Variants in KIAA0825 observed in about 807,000 individuals in gnomAD.
KIAA0825 encodes uncharacterized protein KIAA0825.
KIAA0825 carries 119 observed loss-of-function variants against 147.6 expected under a neutral mutation model. That is an observed-to-expected ratio of 0.81 (90% CI 0.69 to 0.94). The LOEUF (loss-of-function observed/expected upper bound fraction) is 0.94. Ranked by LOEUF, KIAA0825 falls within the 40% of genes least tolerant of loss-of-function variation. The pLI is 0.00. For synonymous variants in KIAA0825, 470 were observed against 518.1 expected (o/e 0.91, Z 1.26); for missense variants, 1,381 against 1,472.7 (o/e 0.94, Z 1.02).
intron 20 of KIAA0825, among the ~76,000 whole-genome samples, chr5:94,352,977 A>T (rs1783858485): frequency 6.6e-6 from 1 of 152,152 alleles, no homozygotes; most frequent in South Asian, 2.1e-4. Context: ...GGTGCAGTGC[A>T]TACTGCTTGG....
At chr5:94,451,191 A>G (rs1411077509) in intron 13 of KIAA0825, among the ~76,000 whole-genome samples, 3 of 152,140 alleles carry the variant, frequency 2.0e-5, no homozygotes, top group Non-Finnish European at 4.4e-5. Context: ...ATCTACCACA[A>G]TTATTTCTCT....
rs1783141024 is a variant in KIAA0825, at chr5:94,585,738, T to C, written c.-152-3155A>G. On this transcript the variant is annotated intron_variant, in intron 1 of 20. Transcript: ENST00000682413. Reference sequence around the variant, plus strand: ...ACACCCCAAATCAACAGAATATACATTCTTCTCAGCACCACGTCGCACTTT... The same window carrying C: ...ACACCCCAAATCAACAGAATATACACTCTTCTCAGCACCACGTCGCACTTT... Among the ~76,000 whole-genome samples the C allele has an allele frequency of 2.0e-5, 3 of 152,164 alleles. No homozygotes were observed. The South Asian group carries it at 6.2e-4, about 31-fold the overall frequency.
intron 1 of KIAA0825, among the ~76,000 whole-genome samples, chr5:94,588,596 T>C (rs1483768447): frequency 2.0e-5 from 3 of 152,188 alleles, no homozygotes; most frequent in South Asian, 2.1e-4. Flanking sequence ...GATGGGAGTG[T>C]AAATTAGTTC....
intron 20 of KIAA0825, among the ~76,000 whole-genome samples, chr5:94,287,847 ACT>A (rs1411590466): frequency 6.6e-6 from 1 of 152,092 alleles, no homozygotes; most frequent in Non-Finnish European, 1.5e-5. Flanking sequence ...CTGGCTGGTA[ACT>A]CAGCCTGTCA....
intron 20 of KIAA0825, among the ~76,000 whole-genome samples, chr5:94,239,592 G>A (rs367942961): frequency 5.3e-5 from 8 of 152,144 alleles, no homozygotes; most frequent in African/African-American, 1.7e-4. Flanking sequence ...ATTTCTACAC[G>A]TTTGCCAATG....
intron 20 of KIAA0825, among the ~76,000 whole-genome samples, chr5:94,297,514 C>T (rs1778189543): frequency 1.3e-5 from 2 of 152,080 alleles, no homozygotes; most frequent in African/African-American, 4.8e-5. Context: ...TTTTTATTGA[C>T]ATTATACACT....
At chr5:94,325,905 G>A (rs1010664994) in intron 20 of KIAA0825, among the ~76,000 whole-genome samples, 12 of 151,796 alleles carry the variant, frequency 7.9e-5, no homozygotes, top group Non-Finnish European at 1.2e-4. Flanking sequence ...TCAACTGAAG[G>A]TATTTTATAA....
chr5:94,395,304 T>G (rs1362428905), intron 17 of KIAA0825, among the ~76,000 whole-genome samples: 1 of 152,224 alleles, frequency 6.6e-6, no homozygotes, highest in African/African-American at 2.4e-5. Context: ...CAGAAAGTTA[T>G]ACTAGTATCT....
At chr5:94,479,277 T>A (rs1230242299) in intron 6 of KIAA0825, among the ~76,000 whole-genome samples, 2 of 152,054 alleles carry the variant, frequency 1.3e-5, no homozygotes, top group African/African-American at 4.8e-5. Context: ...CCCACCCTGG[T>A]ACCCACTAAT....
chr5:94,465,660 A>G (rs1387008177), intron 10 of KIAA0825, among the ~76,000 whole-genome samples: 1 of 152,242 alleles, frequency 6.6e-6, no homozygotes, highest in African/African-American at 2.4e-5. Flanking sequence ...ATACCACAAT[A>G]GTCTGAGTTT....
intron 5 of KIAA0825, 26 bp downstream of exon 5, chr5:94,520,222 A>C: frequency 6.5e-7 from 1 of 1,542,936 alleles, no homozygotes; most frequent in South Asian, 1.3e-5. Flanking sequence ...AAGTTAAACC[A>C]AACAAAAATT....
intron 5 of KIAA0825, among the ~76,000 whole-genome samples, chr5:94,491,729 C>T (rs1387566028): frequency 1.3e-5 from 2 of 152,222 alleles, no homozygotes; most frequent in South Asian, 4.1e-4. Context: ...GGTAAAAGTA[C>T]GACAAGGAAT....
chr5:94,397,193 C>T (rs1257900166), intron 16 of KIAA0825, among the ~76,000 whole-genome samples: 3 of 152,106 alleles, frequency 2.0e-5, no homozygotes, highest in Non-Finnish European at 4.4e-5. Flanking sequence ...CACTTATTAC[C>T]TCTTATATAA....
At chr5:94,196,162 A>G (rs1203217254) in intron 20 of KIAA0825, among the ~76,000 whole-genome samples, 1 of 152,194 alleles carries the variant, frequency 6.6e-6, no homozygotes, top group Non-Finnish European at 1.5e-5. Context: ...TTTCCAAGGC[A>G]TTCCTTAGGG....
intron 20 of KIAA0825, among the ~76,000 whole-genome samples, chr5:94,383,783 T>C (rs1481501587): frequency 1.5e-5 from 2 of 130,002 alleles, no homozygotes; most frequent in African/African-American, 3.1e-5. Context: ...TGGATTATAC[T>C]GCTCTGTGTG....
intron 20 of KIAA0825, among the ~76,000 whole-genome samples, chr5:94,318,236 G>C (rs183804929): frequency 3.5e-4 from 53 of 151,806 alleles, no homozygotes; most frequent in African/African-American, 1.3e-3. Flanking sequence ...CTCATTAGTA[G>C]TTAGTCTATT....
intron 20 of KIAA0825, among the ~76,000 whole-genome samples, chr5:94,338,181 AG>A: frequency 6.6e-6 from 1 of 152,322 alleles, no homozygotes; most frequent in South Asian, 2.1e-4. Flanking sequence ...TCTCCATTGA[AG>A]GTTGAATTGA....
intron 20 of KIAA0825, among the ~76,000 whole-genome samples, chr5:94,223,609 GT>G (rs1562321095): frequency 6.6e-6 from 1 of 152,198 alleles, no homozygotes; most frequent in Non-Finnish European, 1.5e-5. Flanking sequence ...CTTACAAACA[GT>G]GTTTTAAGTA....
chr5:94,411,675 G>A (rs255182), intron 15 of KIAA0825, among the ~76,000 whole-genome samples: 30 of 152,216 alleles, frequency 2.0e-4, no homozygotes, highest in African/African-American at 5.8e-4. Flanking sequence ...TGGGCCAGGC[G>A]TGGTGGCTCA....
Sources: allele counts gnomAD v4.1 joint callset (sites outside exome capture counted in the v4.1 genomes callset), GRCh38; gene constraint gnomAD v4.1.1; transcripts MANE v1.5; gene names NCBI Gene and HGNC (gene_info 2026-07-23, HGNC 2026-07-21).